TMEM184B: variants seen among roughly 807,000 people sequenced by gnomAD.
TMEM184B encodes putative MAPK-activating protein FM08.
Under a neutral mutation model 41.8 loss-of-function variants are expected in TMEM184B, and 17 were observed. The observed-to-expected ratio is 0.41, with a 90% CI of 0.28 to 0.61. The LOEUF (loss-of-function observed/expected upper bound fraction) is 0.61. Among genes scored for constraint, TMEM184B ranks in the 20% least tolerant of loss-of-function variants. The probability of loss-of-function intolerance (pLI) is 0.34; values close to 1 mark genes in which losing one functional copy is unlikely to be tolerated. For synonymous variants in TMEM184B, 240 were observed against 229.5 expected (o/e 1.05, Z -0.41); for missense variants, 393 against 557.8 (o/e 0.70, Z 2.98).
At chr22:38,234,076 G>T (rs1216462757) in intron 3 of TMEM184B, among the ~76,000 whole-genome samples, 1 of 130 alleles carries the variant, frequency 7.7e-3, no homozygotes, top group Non-Finnish European at 0.016. Context: ...GCCGACGGTT[G>T]CATTTTCTAG....
chr22:38,271,206 A>G (rs2092517289), intron 1 of TMEM184B, among the ~76,000 whole-genome samples: 1 of 152,190 alleles, frequency 6.6e-6, no homozygotes, highest in Non-Finnish European at 1.5e-5. Flanking sequence ...TCTTCCCAGC[A>G]CTGGGAGCCC....
intron 3 of TMEM184B, among the ~76,000 whole-genome samples, chr22:38,232,484 G>T (rs2091660573): frequency 6.6e-6 from 1 of 152,122 alleles, no homozygotes; most frequent in Non-Finnish European, 1.5e-5. Context: ...CGGGGGAAGG[G>T]GTGCAGCAGA....
At chr22:38,253,066 C>T (rs570085409) in intron 1 of TMEM184B, among the ~76,000 whole-genome samples, 39 of 152,072 alleles carry the variant, frequency 2.6e-4, no homozygotes, top group Non-Finnish European at 4.7e-4. Flanking sequence ...GGCGTGAACC[C>T]GGGAGGCAGA....
intron 5 of TMEM184B, among the ~76,000 whole-genome samples, chr22:38,227,577 C>T (rs935653204): frequency 6.6e-6 from 1 of 152,108 alleles, no homozygotes; most frequent in African/African-American, 2.4e-5. Flanking sequence ...CAGCAGAGGT[C>T]ACTCTGGGGA....
At chr22:38,249,072 G>A (rs2092105237) in intron 1 of TMEM184B, among the ~76,000 whole-genome samples, 1 of 152,164 alleles carries the variant, frequency 6.6e-6, no homozygotes, top group Non-Finnish European at 1.5e-5. Context: ...ACGCGGGTCT[G>A]TCACCACTCA....
At chr22:38,258,049 G>C (rs926152744) in intron 1 of TMEM184B, among the ~76,000 whole-genome samples, 6 of 152,172 alleles carry the variant, frequency 3.9e-5, no homozygotes, top group Non-Finnish European at 8.8e-5. Flanking sequence ...AGTGAGTGCA[G>C]TCTCCACACC....
chr22:38,272,467 C>A, intron 1 of TMEM184B: 1 of 985,534 alleles, frequency 1.0e-6, no homozygotes, highest in Non-Finnish European at 1.2e-6. Flanking sequence ...TCACTGCCAC[C>A]CGCACAGGGC....
intron 8 of TMEM184B, chr22:38,222,384 G>C (rs993327514): frequency 6.2e-6 from 1 of 160,312 alleles, no homozygotes; most frequent in Non-Finnish European, 1.3e-5. Flanking sequence ...TGGAAACATC[G>C]TGAAATGCCC....
chr22:38,216,989 G>T (rs965877144), downstream of TMEM184B, among the ~76,000 whole-genome samples: 1 of 151,702 alleles, frequency 6.6e-6, no homozygotes, highest in African/African-American at 2.4e-5. Flanking sequence ...TTGAGACCAG[G>T]CTGGGCAACA....
intron 1 of TMEM184B, among the ~76,000 whole-genome samples, chr22:38,264,562 T>G (rs2092417727): frequency 6.6e-6 from 1 of 152,180 alleles, no homozygotes. Context: ...TTCACTCAGC[T>G]GGCTCTGCTC....
At chr22:38,257,590 C>T (rs550893276) in intron 1 of TMEM184B, among the ~76,000 whole-genome samples, 1 of 152,192 alleles carries the variant, frequency 6.6e-6, no homozygotes, top group East Asian at 1.9e-4. Flanking sequence ...AAAATGACCC[C>T]GTGTATGAAC....
chr22:38,225,676 A>G lies in TMEM184B; in HGVS notation c.618-83T>C. On this transcript the variant is annotated intron_variant, in intron 6 of 8. Transcript: ENST00000361906. This position sits in a 1 kb window ranked among gnomAD's most constrained non-coding sequence, Gnocchi z 4.4. ...CTCGACTGCACCACACACAGTCCCC[A>G]TGGCTCTCAGCCCCACACCTCCAGC... is the stretch of plus-strand genomic sequence containing the variant. 1.4e-6 allele frequency: 2 copies of G among 1,425,272 alleles called. No individual in the cohort carries two copies. Among genetic ancestry groups the G allele is most frequent in the Non-Finnish European group, 1.9e-6 (2 of 1,078,150 alleles). The allele number at this position is 1,425,272 out of a possible 1,614,324, so 88.3% of individuals were successfully genotyped here. A position where few individuals can be genotyped will look rare whatever the true frequency, so the allele number is the denominator to read the frequency against.
chr22:38,252,881 G>A (rs1176575508), intron 1 of TMEM184B, among the ~76,000 whole-genome samples: 2 of 152,230 alleles, frequency 1.3e-5, no homozygotes, highest in Admixed American at 1.3e-4. Context: ...GGTGCCTCAC[G>A]CCTGTAATCC....
chr22:38,263,377 T>C (rs1303309955), intron 1 of TMEM184B, among the ~76,000 whole-genome samples: 1 of 152,154 alleles, frequency 6.6e-6, no homozygotes, highest in African/African-American at 2.4e-5. Flanking sequence ...AAAGACACTT[T>C]TGATTCTCTT....
Position 38,272,879 on chromosome 22 carries a change from G to T in TMEM184B, c.-59+5C>A. ...CTCCCGGGCGAGGCCGGCCAGGCGG[G>T]ATACCTCAGGAGCCCATGGCGGTGG... On this transcript the variant is annotated splice_donor_5th_base_variant and intron_variant, in intron 1 of 8. Transcript: ENST00000361906. The T allele has an allele frequency of 1.1e-6, 1 of 869,628 alleles. No individual in the cohort carries two copies. Among genetic ancestry groups the T allele is most frequent in the Non-Finnish European group, 1.4e-6 (1 of 724,372 alleles). 53.9% of individuals were successfully genotyped at this position (869,628 alleles called of 1,614,324 possible).
At chr22:38,216,840 C>G (rs2091155097), downstream of TMEM184B, among the ~76,000 whole-genome samples, 2 of 149,752 alleles carry the variant, frequency 1.3e-5, no homozygotes. Flanking sequence ...GACTAGGAGT[C>G]CAAGAGCAAC....
rs545703163 is a variant in TMEM184B, at chr22:38,240,113, A to G, written c.358+5822T>C. Among the ~76,000 whole-genome samples the G allele has an allele frequency of 2.8e-3, 433 of 152,200 alleles. 4 individuals carry two copies. Among genetic ancestry groups the G allele is most frequent in the Non-Finnish European group, 5.3e-3 (359 of 68,016 alleles). On this transcript the variant is annotated intron_variant, in intron 3 of 8. Transcript: ENST00000361906. ...GGTATTTTAAGCCCTTCTTATATATAAAAAATAGCCAAGGATACTGATATT... is the reference window on the plus strand; with the variant it reads ...GGTATTTTAAGCCCTTCTTATATATGAAAAATAGCCAAGGATACTGATATT...
At chr22:38,257,841 G>A (rs375844117) in intron 1 of TMEM184B, among the ~76,000 whole-genome samples, 5 of 152,266 alleles carry the variant, frequency 3.3e-5, no homozygotes, top group African/African-American at 9.6e-5. Context: ...GTGATCCAAG[G>A]AAGTTTGGAG....
chr22:38,228,491 C>T (rs1347312605), intron 5 of TMEM184B, among the ~76,000 whole-genome samples: 1 of 152,198 alleles, frequency 6.6e-6, no homozygotes, highest in African/African-American at 2.4e-5. Flanking sequence ...TCAGCAGTTC[C>T]CAGGCTGGGC....
Sources: gnomAD v4.1 joint callset for allele counts (sites outside exome capture counted in the v4.1 genomes callset) on GRCh38, gnomAD v4.1.1 for gene constraint, Gnocchi (gnomAD v3.1) non-coding constraint, MANE v1.5 for transcripts, NCBI Gene and HGNC (gene_info 2026-07-23, HGNC 2026-07-21) for gene names.